Variants in RABL3 observed in about 807,000 individuals in gnomAD.
RABL3 encodes RAB, member of RAS oncogene family like 3, also known as rab-like protein 3.
In RABL3, 31 loss-of-function variants were observed where a neutral mutation model predicts 31.8. That is an observed-to-expected ratio of 0.97 (90% confidence interval 0.73 to 1.31). RABL3 has a LOEUF of 1.31. Ranked by LOEUF, RABL3 falls within the 40% of genes most tolerant of loss-of-function variation. The pLI, the probability that RABL3 is intolerant of heterozygous loss-of-function variation, is 0.00. For synonymous variants in RABL3, 97 were observed against 99.9 expected (o/e 0.97, Z 0.18); for missense variants, 263 against 279.6 (o/e 0.94, Z 0.42).
At chr3:120,708,629 C>T (rs1383375004) in intron 3 of RABL3, among the ~76,000 whole-genome samples, 1 of 151,940 alleles carries the variant, frequency 6.6e-6, no homozygotes, top group Non-Finnish European at 1.5e-5. Context: ...AAGAGGTCAC[C>T]TCACACTATA....
At chr3:120,730,622 G>C in intron 2 of RABL3, 74 bp downstream of exon 2, 2 of 1,009,572 alleles carry the variant, frequency 2.0e-6, no homozygotes, top group Non-Finnish European at 1.5e-6. Context: ...CCATAGTACT[G>C]TAATTTGATC....
At chr3:120,727,729 TG>T (rs1708838821) in intron 2 of RABL3, among the ~76,000 whole-genome samples, 2 of 152,164 alleles carry the variant, frequency 1.3e-5, no homozygotes, top group Admixed American at 1.3e-4. Flanking sequence ...TAGTGATATA[TG>T]AAAAGAGCAG....
At chr3:120,723,609 T>C (rs924034233) in intron 2 of RABL3, among the ~76,000 whole-genome samples, 2 of 152,180 alleles carry the variant, frequency 1.3e-5, no homozygotes, top group African/African-American at 4.8e-5. Context: ...CATGATCAAG[T>C]GGGCTTCATC....
At chr3:120,723,173 T>A (rs1708770076) in intron 2 of RABL3, among the ~76,000 whole-genome samples, 2 of 152,140 alleles carry the variant, frequency 1.3e-5, no homozygotes. Flanking sequence ...AAAACACCTG[T>A]ACGCAAATAA....
intron 4 of RABL3, among the ~76,000 whole-genome samples, chr3:120,702,382 A>G (rs895459019): frequency 1.6e-4 from 24 of 151,974 alleles, no homozygotes; most frequent in African/African-American, 5.8e-4. Context: ...ACAGTTCACA[A>G]TAGGATTCAC....
chr3:120,728,816 AG>A (rs1708851480), intron 2 of RABL3, among the ~76,000 whole-genome samples: 1 of 152,174 alleles, frequency 6.6e-6, no homozygotes, highest in South Asian at 2.1e-4. Context: ...CAGAGAGGAG[AG>A]GCAGAGAAGA....
chr3:120,730,256 T>C (rs1359979547), intron 2 of RABL3, among the ~76,000 whole-genome samples: 1 of 152,198 alleles, frequency 6.6e-6, no homozygotes, highest in Admixed American at 6.5e-5. Flanking sequence ...TTAATTTAAT[T>C]AAAACTATAC....
intron 5 of RABL3, among the ~76,000 whole-genome samples, chr3:120,696,095 GAA>G (rs1708432667): frequency 1.3e-5 from 2 of 152,136 alleles, no homozygotes; most frequent in Non-Finnish European, 2.9e-5. Context: ...ACGTAACAGA[GAA>G]AAGTTTTTAC....
At chr3:120,742,371 G>C in intron 1 of RABL3, 91 bp downstream of exon 1, 2 of 1,224,894 alleles carry the variant, frequency 1.6e-6, no homozygotes, top group South Asian at 1.2e-5. Context: ...ACGGGCCGAG[G>C]AGCCAGGAAG....
intron 4 of RABL3, among the ~76,000 whole-genome samples, chr3:120,699,524 C>T (rs1199881767): frequency 6.6e-6 from 1 of 152,138 alleles, no homozygotes; most frequent in Non-Finnish European, 1.5e-5. Flanking sequence ...ATAAGCTCAA[C>T]TTACAACAGT....
intron 2 of RABL3, among the ~76,000 whole-genome samples, chr3:120,710,869 G>C (rs1465733636): frequency 2.0e-5 from 3 of 152,060 alleles, no homozygotes; most frequent in African/African-American, 4.8e-5. Context: ...CCAAAGAGTT[G>C]TCTATTCTTA....
intron 1 of RABL3, among the ~76,000 whole-genome samples, chr3:120,739,715 C>CT (rs1709019171): frequency 6.6e-6 from 1 of 151,994 alleles, no homozygotes. Flanking sequence ...TGCATTGTGT[C>CT]TAATATCTGT....
chr3:120,709,914 CAAAT>C lies in RABL3; in HGVS notation c.139-9_139-6del. The C allele has an allele frequency of 6.3e-7, 1 of 1,578,544 alleles. No homozygotes were observed. The highest frequency in any genetic ancestry group is 8.6e-7 in the Non-Finnish European group (1 of 1,161,262). ...TCCTTCTTTGTAATCATGAACCTAA[CAAAT>C]CAATCAATTAAAATAATTAATATAG... is the stretch of plus-strand genomic sequence containing the variant. On this transcript the variant is annotated splice_region_variant and splice_polypyrimidine_tract_variant and intron_variant, in intron 2 of 7. Coordinates refer to ENST00000273375, the MANE Select transcript of RABL3 (RefSeq NM_173825.5).
chr3:120,692,994 G>A (rs1708397735), intron 6 of RABL3, among the ~76,000 whole-genome samples: 1 of 152,084 alleles, frequency 6.6e-6, no homozygotes, highest in African/African-American at 2.4e-5. Flanking sequence ...AAAAAATCTG[G>A]CTCCTTGCAG....
chr3:120,721,035 A>G (rs1361183681), intron 2 of RABL3, among the ~76,000 whole-genome samples: 2 of 152,246 alleles, frequency 1.3e-5, no homozygotes, highest in East Asian at 3.8e-4. Flanking sequence ...AATATTCAAC[A>G]TTCTTAAAGA....
chr3:120,698,048 C>T (rs1007313543), intron 5 of RABL3, among the ~76,000 whole-genome samples: 4 of 152,088 alleles, frequency 2.6e-5, no homozygotes, highest in Admixed American at 1.3e-4. Flanking sequence ...CCTGTAATCC[C>T]AGCTACTCAG....
At chr3:120,739,107 G>A (rs537326836) in intron 1 of RABL3, among the ~76,000 whole-genome samples, 7 of 152,276 alleles carry the variant, frequency 4.6e-5, no homozygotes, top group South Asian at 4.1e-4. Flanking sequence ...GGCCAGGTGC[G>A]TTGGCTCACA....
intron 6 of RABL3, among the ~76,000 whole-genome samples, chr3:120,693,544 T>A (rs990772577): frequency 2.6e-5 from 4 of 152,222 alleles, no homozygotes; most frequent in Non-Finnish European, 5.9e-5. Context: ...GTCAATACTA[T>A]GTGCAATAAA....
chr3:120,739,417 C>T (rs1480388554), intron 1 of RABL3, among the ~76,000 whole-genome samples: 1 of 151,914 alleles, frequency 6.6e-6, no homozygotes, highest in South Asian at 2.1e-4. Context: ...TTGCTTTAGT[C>T]TGCATTTCTT....
Sources: gnomAD v4.1 joint callset for allele counts (sites outside exome capture counted in the v4.1 genomes callset) on GRCh38, gnomAD v4.1.1 for gene constraint, MANE v1.5 for transcripts, NCBI Gene and HGNC (gene_info 2026-07-23, HGNC 2026-07-21) for gene names.